The following MYO16 variants were observed in gnomAD, a reference collection of about 807,000 sequenced individuals.
The protein encoded by MYO16 is myosin XVI, also known as unconventional myosin-XVI.
MYO16 carries 94 observed loss-of-function variants against 205.3 expected under a neutral mutation model. The ratio of observed to expected loss-of-function variants is 0.46; its 90% confidence interval spans 0.39 to 0.54. The LOEUF (loss-of-function observed/expected upper bound fraction) is 0.54, where lower values mean the gene tolerates loss of function less well. Among genes scored for constraint, MYO16 ranks in the 20% least tolerant of loss-of-function variants. MYO16 has a pLI of 0.00. For synonymous variants in MYO16, 988 were observed against 954.0 expected, an observed-to-expected ratio of 1.04 and a Z score of -0.66; for missense variants, 2,315 against 2,387.5, an observed-to-expected ratio of 0.97 and a Z score of 0.63.
At chr13:108,660,720 T>A (rs185553731) in intron 1 of MYO16, among the ~76,000 whole-genome samples, 10 of 152,228 alleles carry the variant, frequency 6.6e-5, no homozygotes, top group Non-Finnish European at 1.2e-4. Flanking sequence ...GGTGAGTTAT[T>A]CTACATTCTG....
chr13:108,778,637 T>C (rs1290875397), intron 4 of MYO16, among the ~76,000 whole-genome samples: 9 of 152,146 alleles, frequency 5.9e-5, no homozygotes, highest in African/African-American at 9.7e-5. Flanking sequence ...TATATTTTTT[T>C]TCTGTTTCAC....
intron 20 of MYO16, among the ~76,000 whole-genome samples, chr13:108,972,632 G>A (rs1451246507): frequency 1.3e-5 from 2 of 151,134 alleles, no homozygotes; most frequent in African/African-American, 4.9e-5. Flanking sequence ...TAGGGGCATT[G>A]TTTTTTAGTG....
chr13:108,555,925 A>G, the MYO16 span, among the ~76,000 whole-genome samples: 1 of 152,110 alleles, frequency 6.6e-6, no homozygotes, highest in African/African-American at 2.4e-5. Context: ...AAATGACAGA[A>G]TTTCCTTCTT....
At chr13:108,842,224 A>G (rs1056944724) in intron 9 of MYO16, among the ~76,000 whole-genome samples, 1 of 152,180 alleles carries the variant, frequency 6.6e-6, no homozygotes, top group African/African-American at 2.4e-5. Context: ...CAGTTACATC[A>G]GACTATAAGG....
At chr13:109,035,838 C>T (rs1241675220) in intron 23 of MYO16, among the ~76,000 whole-genome samples, 4 of 152,176 alleles carry the variant, frequency 2.6e-5, no homozygotes, top group Admixed American at 6.5e-5. Flanking sequence ...GATTCTCATA[C>T]GTAACGTGCA....
intron 25 of MYO16, 76 bp downstream of exon 25, chr13:109,052,551 A>G: frequency 8.6e-7 from 1 of 1,166,518 alleles, no homozygotes; most frequent in Non-Finnish European, 1.2e-6. Flanking sequence ...TTTAAAAAAA[A>G]GCACAATTTT....
chr13:108,731,893 G>A (rs1317602196), intron 4 of MYO16, among the ~76,000 whole-genome samples: 2 of 152,092 alleles, frequency 1.3e-5, no homozygotes, highest in African/African-American at 4.8e-5. Context: ...TACTCTAATG[G>A]TGAAAACAAA....
intron 6 of MYO16, among the ~76,000 whole-genome samples, 191 bp downstream of exon 6, chr13:108,793,831 G>A (rs143703185): frequency 4.8e-4 from 73 of 152,124 alleles, no homozygotes; most frequent in African/African-American, 1.4e-3. Context: ...CCCATTATTG[G>A]GTGTCTACCC....
Position 109,141,740 on chromosome 13 carries a change from G to C in MYO16, c.5164+364G>C, listed in dbSNP as rs1331631359. Among the ~76,000 whole-genome samples, 1 of 152,132 alleles carries C rather than the reference G, an allele frequency of 6.6e-6. No individual in the cohort carries two copies. The highest frequency in any genetic ancestry group is 2.4e-5 in the African/African-American group (1 of 41,412). ...CCTTATAACGTGAAAGTGGTATTTT[G>C]TGTATGTTTCTATCGCCGATTTCCG... is the stretch of plus-strand genomic sequence containing the variant. On this transcript the variant is annotated intron_variant, in intron 32 of 34. Coordinates refer to ENST00000457511, the MANE Select transcript of MYO16 (RefSeq NM_001198950.3). The surrounding 1 kb of genome is among the most constrained non-coding windows in gnomAD (Gnocchi z 4.1).
At chr13:108,816,545 G>T (rs989137103) in intron 7 of MYO16, among the ~76,000 whole-genome samples, 12 of 152,036 alleles carry the variant, frequency 7.9e-5, no homozygotes, top group African/African-American at 2.9e-4. Context: ...CTGTGCAACC[G>T]CAAGGTCACA....
At position 108,881,592 on chromosome 13, in the gene MYO16, AG is replaced by A. The variant is rs547116595; in HGVS notation, c.1426-1465del. On this transcript the variant is annotated intron_variant, in intron 12 of 34. Transcript: ENST00000457511. ...CTAACCAGAATAAAAAGCATAGACA[AG>A]GTCTTAAATGACCTGATGGAGCTGA... Among the ~76,000 whole-genome samples the A allele has an allele frequency of 2.8e-3, 427 of 152,348 alleles. 2 individuals are homozygous for A. Among genetic ancestry groups the A allele is most frequent in the African/African-American group, 9.2e-3 (381 of 41,580 alleles).
the MYO16 span, among the ~76,000 whole-genome samples, chr13:108,539,971 T>C: frequency 6.6e-6 from 1 of 152,112 alleles, no homozygotes; most frequent in Admixed American, 6.6e-5. Flanking sequence ...ATTAGTGTCA[T>C]TGCAAATGAC....
intron 2 of MYO16, among the ~76,000 whole-genome samples, chr13:108,675,639 T>C (rs1235869730): frequency 6.6e-6 from 1 of 151,922 alleles, no homozygotes; most frequent in Non-Finnish European, 1.5e-5. Flanking sequence ...TTCACTGGGG[T>C]GAGGTAGGAT....
the MYO16 span, among the ~76,000 whole-genome samples, chr13:108,533,433 T>C: frequency 6.6e-6 from 1 of 152,216 alleles, no homozygotes; most frequent in African/African-American, 2.4e-5. Flanking sequence ...GGTTACATGA[T>C]ATAATTTGAC....
chr13:109,075,607 C>T (rs1888072952), intron 27 of MYO16, among the ~76,000 whole-genome samples: 2 of 152,052 alleles, frequency 1.3e-5, no homozygotes, highest in African/African-American at 2.4e-5. Context: ...AACTCCTGAC[C>T]TCGTGATCTG....
At position 109,125,210 on chromosome 13, in the gene MYO16, G is replaced by A. The variant is rs765639256; in HGVS notation, c.3634G>A (p.Asp1212Asn). ...SINSFLQNTEDMGLKTYDALV... is the reference protein window; with the variant it reads ...SINSFLQNTENMGLKTYDALV... ...CAATAGCTTTCTGCAGAACACAGAGGACATGGGGCTGAAAACCTACGATGC... is the reference window on the plus strand; with the variant it reads ...CAATAGCTTTCTGCAGAACACAGAGAACATGGGGCTGAAAACCTACGATGC... Residue 1212 changes from aspartate (D) to asparagine (N), a missense_variant, in exon 30 of 35, where the codon GAC becomes AAC. Physicochemically the swap from Asp to Asn is conservative, Grantham distance 23. Around this residue, in one of 3 missense-constraint regions of MYO16, gnomAD observed 1,097 missense variants for 1,092.0 expected, o/e 1.00. Coordinates refer to ENST00000457511, the MANE Select transcript of MYO16 (RefSeq NM_001198950.3). This position sits in a 1 kb window ranked among gnomAD's most constrained non-coding sequence, Gnocchi z 4.0. The A allele has an allele frequency of 6.2e-7, 1 of 1,614,100 alleles. No homozygotes were observed. The highest frequency in any genetic ancestry group is 8.5e-7 in the Non-Finnish European group (1 of 1,180,020).
intron 34 of MYO16, among the ~76,000 whole-genome samples, chr13:109,183,340 TTTATAAATA>T (rs1879537367): frequency 6.6e-6 from 1 of 152,172 alleles, no homozygotes; most frequent in African/African-American, 2.4e-5. Context: ...AAGCCCACGA[TTTATAAATA>T]GAGCAAAAGC....
chr13:108,920,200 A>G (rs1881676070), intron 16 of MYO16, among the ~76,000 whole-genome samples: 1 of 152,192 alleles, frequency 6.6e-6, no homozygotes, highest in Non-Finnish European at 1.5e-5. Flanking sequence ...AAAATGGTTG[A>G]TAAACCTGCT....
rs543084741 is a variant in MYO16, at chr13:108,975,990, C to A, written c.2369+11088C>A. Among the ~76,000 whole-genome samples the A allele has an allele frequency of 4.6e-5, 7 of 152,226 alleles. No homozygotes were observed. The South Asian group carries it at 1.5e-3, about 32-fold the overall frequency. The stretch of plus-strand genomic sequence containing the variant: ...TAAGTATTTTTTGTCAACCCACATG[C>A]AATTCACCCTTAACATTCCAGGAAT... On this transcript the variant is annotated intron_variant, in intron 20 of 34. Coordinates refer to ENST00000457511, the MANE Select transcript of MYO16 (RefSeq NM_001198950.3).
Sources: gnomAD v4.1 joint callset for allele counts (sites outside exome capture counted in the v4.1 genomes callset) on GRCh38, gnomAD v4.1.1 for gene constraint, gnomAD v4.1.1 regional missense constraint, Gnocchi (gnomAD v3.1) non-coding constraint, MANE v1.5 for transcripts, NCBI Gene and HGNC (gene_info 2026-07-23, HGNC 2026-07-21) for gene names.